PRELID2: variants seen among roughly 807,000 people sequenced by gnomAD.
PRELID2 encodes the protein PRELI domain-containing protein 2.
In PRELID2, 25 loss-of-function variants were observed where a neutral mutation model predicts 28.4. The ratio of observed to expected loss-of-function variants is 0.88; its 90% confidence interval spans 0.64 to 1.23. The LOEUF (loss-of-function observed/expected upper bound fraction) is 1.23, where lower values mean the gene tolerates loss of function less well. PRELID2 is among the 50% of genes most tolerant of loss of function. PRELID2 has a pLI of 0.00. For synonymous variants in PRELID2, 76 were observed against 71.6 expected, an observed-to-expected ratio of 1.06 and a Z score of -0.31; for missense variants, 201 against 214.4, an observed-to-expected ratio of 0.94 and a Z score of 0.39.
chr5:145,737,403 A>G (rs1756525897), intron 1 of PRELID2, among the ~76,000 whole-genome samples: 1 of 146,250 alleles, frequency 6.8e-6, no homozygotes, highest in African/African-American at 2.5e-5. Flanking sequence ...TGGTACAACT[A>G]AAATCCCTGG....
the PRELID2 span, among the ~76,000 whole-genome samples, chr5:145,383,496 T>C: frequency 6.7e-6 from 1 of 150,210 alleles, no homozygotes; most frequent in Non-Finnish European, 1.5e-5. Context: ...TATAATAAAA[T>C]AGAGAAACCA....
At chr5:145,474,919 A>G (rs1752085953) in intron 1 of PRELID2, among the ~76,000 whole-genome samples, 1 of 152,120 alleles carries the variant, frequency 6.6e-6, no homozygotes, top group African/African-American at 2.4e-5. Context: ...GATTTAGTGT[A>G]TAAAAGGAGA....
intron 1 of PRELID2, among the ~76,000 whole-genome samples, chr5:145,523,291 TACA>T (rs750811740): frequency 1.3e-5 from 2 of 152,218 alleles, no homozygotes; most frequent in Non-Finnish European, 2.9e-5. Flanking sequence ...TATTATTTTG[TACA>T]ACATGTAATT....
At chr5:145,409,682 G>A in the PRELID2 span, among the ~76,000 whole-genome samples, 1 of 151,576 alleles carries the variant, frequency 6.6e-6, no homozygotes, top group African/African-American at 2.4e-5. Flanking sequence ...GGAAGGGCAA[G>A]GCGGGTGGAA....
At chr5:145,690,241 C>T (rs1386870884) in intron 1 of PRELID2, among the ~76,000 whole-genome samples, 2 of 152,166 alleles carry the variant, frequency 1.3e-5, no homozygotes, top group Non-Finnish European at 2.9e-5. Flanking sequence ...GATCCACCCA[C>T]CTTGGCTTCC....
intron 1 of PRELID2, among the ~76,000 whole-genome samples, chr5:145,576,737 C>A (rs1365705834): frequency 6.6e-6 from 1 of 150,850 alleles, no homozygotes; most frequent in Non-Finnish European, 1.5e-5. Flanking sequence ...GGAATAAGTT[C>A]AAACAGTAGT....
intron 1 of PRELID2, among the ~76,000 whole-genome samples, chr5:145,555,188 G>A (rs769288780): frequency 2.0e-5 from 3 of 152,298 alleles, no homozygotes; most frequent in Middle Eastern, 3.4e-3. Flanking sequence ...GTCCATCAAA[G>A]TGTGATCCAT....
chr5:145,817,212 TAA>T lies in PRELID2; in HGVS notation c.368+680_368+681del, dbSNP rs200034950. 2.6e-3 allele frequency among the ~76,000 whole-genome samples: 186 copies of T among 72,790 alleles called. 1 individual carries two copies. The highest frequency in any genetic ancestry group is 7.8e-3 in the African/African-American group (183 of 23,414). 47.8% of individuals were successfully genotyped at this position (72,790 alleles called of 152,430 possible). A position where few individuals can be genotyped will look rare whatever the true frequency, so the allele number is the denominator to read the frequency against. ...TTTCAAAAAAAAATAAATAAATAAA[TAA>T]AAAAAAATATATATATATATATACT... is the stretch of plus-strand genomic sequence containing the variant. On this transcript the variant is annotated intron_variant, in intron 4 of 6. Transcript: ENST00000683046.
chr5:145,788,849 A>G (rs1752176478), intron 5 of PRELID2, among the ~76,000 whole-genome samples: 1 of 152,196 alleles, frequency 6.6e-6, no homozygotes, highest in East Asian at 1.9e-4. Context: ...AAAAATCAGT[A>G]TCATTTCTAT....
At chr5:145,745,158 G>A (rs951200910) in intron 1 of PRELID2, among the ~76,000 whole-genome samples, 3 of 151,836 alleles carry the variant, frequency 2.0e-5, no homozygotes, top group East Asian at 1.9e-4. Context: ...CACAAAACTA[G>A]AGAAAAAATA....
intron 1 of PRELID2, among the ~76,000 whole-genome samples, chr5:145,654,619 A>G (rs1046167299): frequency 2.0e-5 from 3 of 152,270 alleles, no homozygotes; most frequent in African/African-American, 7.2e-5. Context: ...AATGTAATCC[A>G]GCATATAAGC....
chr5:145,358,135 G>T, the PRELID2 span, among the ~76,000 whole-genome samples: 1 of 152,102 alleles, frequency 6.6e-6, no homozygotes, highest in Non-Finnish European at 1.5e-5. Context: ...TCCTTGCTGA[G>T]TCGGCCCTTA....
intron 1 of PRELID2, among the ~76,000 whole-genome samples, chr5:145,491,322 T>C (rs1463060026): frequency 1.3e-5 from 2 of 152,122 alleles, no homozygotes; most frequent in Non-Finnish European, 2.9e-5. Context: ...AGGAGCTCCC[T>C]TGGGCCTCTT....
chr5:145,321,910 C>T, the PRELID2 span, among the ~76,000 whole-genome samples: 1 of 152,120 alleles, frequency 6.6e-6, no homozygotes, highest in African/African-American at 2.4e-5. Context: ...TTTGGAGAGA[C>T]CACCATAATG....
chr5:145,269,941 C>T, the PRELID2 span, among the ~76,000 whole-genome samples: 2 of 149,790 alleles, frequency 1.3e-5, no homozygotes, highest in Admixed American at 1.3e-4. Context: ...GTATATACAA[C>T]ACTTGAACAG....
At chr5:145,562,894 C>T (rs1347493286) in intron 1 of PRELID2, among the ~76,000 whole-genome samples, 5 of 152,096 alleles carry the variant, frequency 3.3e-5, no homozygotes, top group Non-Finnish European at 7.4e-5. Context: ...GAGCCAATGA[C>T]GAATTTCAAC....
chr5:145,382,023 G>A, the PRELID2 span, among the ~76,000 whole-genome samples: 1 of 151,340 alleles, frequency 6.6e-6, no homozygotes, highest in Non-Finnish European at 1.5e-5. Flanking sequence ...GTGGGGGGTA[G>A]TCATAATTAA....
chr5:145,287,966 G>T, the PRELID2 span, among the ~76,000 whole-genome samples: 2,192 of 152,222 alleles, frequency 0.014, 45 homozygotes, highest in African/African-American at 0.05. Context: ...AGATTTCTTT[G>T]AGTTTATGTC....
intron 4 of PRELID2, among the ~76,000 whole-genome samples, chr5:145,807,974 A>T (rs1355055014): frequency 6.6e-6 from 1 of 152,186 alleles, no homozygotes; most frequent in Non-Finnish European, 1.5e-5. Flanking sequence ...TTTGGAGGGC[A>T]GTCTTATTAA....
Sources: gnomAD v4.1 joint callset for allele counts (sites outside exome capture counted in the v4.1 genomes callset) on GRCh38, gnomAD v4.1.1 for gene constraint, MANE v1.5 for transcripts, NCBI Gene and HGNC (gene_info 2026-07-23, HGNC 2026-07-21) for gene names.